CARMIL1: variants seen among roughly 807,000 people sequenced by gnomAD.
The protein encoded by CARMIL1 is capping protein regulator and myosin 1 linker 1.
Under a neutral mutation model 177.1 loss-of-function variants are expected in CARMIL1, and 90 were observed. The ratio of observed to expected loss-of-function variants is 0.51; its 90% CI spans 0.43 to 0.61. CARMIL1 has a LOEUF of 0.61. Among genes scored for constraint, CARMIL1 ranks in the 20% least tolerant of loss-of-function variants. The pLI is 0.00. For synonymous variants in CARMIL1, 577 were observed against 606.2 expected (o/e 0.95, Z 0.71); for missense variants, 1,380 against 1,667.0 (o/e 0.83, Z 3.00).
intron 8 of CARMIL1, among the ~76,000 whole-genome samples, chr6:25,463,805 A>G (rs2150915231): frequency 6.6e-6 from 1 of 150,688 alleles, no homozygotes; most frequent in Non-Finnish European, 1.5e-5. Context: ...ATAACTATTG[A>G]AAGAGTTGTT....
At chr6:25,360,598 A>T (rs1789090799) in intron 2 of CARMIL1, among the ~76,000 whole-genome samples, 1 of 152,158 alleles carries the variant, frequency 6.6e-6, no homozygotes, top group South Asian at 2.1e-4. Flanking sequence ...TTTCTGTCCA[A>T]TGAGAGGAGA....
At chr6:25,366,611 A>G (rs1401340739) in intron 2 of CARMIL1, among the ~76,000 whole-genome samples, 1 of 150,796 alleles carries the variant, frequency 6.6e-6, no homozygotes, top group Admixed American at 6.7e-5. Flanking sequence ...CTGTATATCC[A>G]ACCTTTTAGA....
chr6:25,563,764 G>T, intron 29 of CARMIL1: 1 of 985,422 alleles, frequency 1.0e-6, no homozygotes, highest in Non-Finnish European at 1.2e-6. Flanking sequence ...GGAAGAAGTG[G>T]CAAGGTAGTT....
At chr6:25,300,909 C>A (rs1190154647) in intron 2 of CARMIL1, among the ~76,000 whole-genome samples, 2 of 152,210 alleles carry the variant, frequency 1.3e-5, no homozygotes, top group Non-Finnish European at 2.9e-5. Flanking sequence ...ATAAGTATAA[C>A]CTGCTATATA....
chr6:25,435,583 T>C lies in CARMIL1; in HGVS notation c.350T>C (p.Ile117Thr). ...CACATAGGCACCTGCCTGAGGAAGA[T>C]ATTTCCTGGCCTCTCTCCAGTGTGA... is the stretch of plus-strand genomic sequence containing the variant. ...LAHIGTCLRK[I>T]FPGLSPVRIM... Residue 117 changes from isoleucine (I) to threonine (T), a missense_variant, in exon 5 of 37, where the codon ATA (isoleucine) becomes ACA (threonine). By Grantham distance (89) the Ile-to-Thr change is moderately conservative. Coordinates refer to ENST00000329474, the MANE Select transcript of CARMIL1 (RefSeq NM_017640.6). 6.4e-7 allele frequency: 1 copy of C among 1,573,952 alleles called. No individual in the cohort carries two copies. Among genetic ancestry groups the C allele is most frequent in the East Asian group, 2.3e-5 (1 of 42,958 alleles).
In CARMIL1 at chr6:25,527,315, A is replaced by G. The variant is rs574497856; in HGVS notation, c.1969-1480A>G. ...TTAAAGTCACTTGAAAATTGTTACT[A>G]TTTCTTCCTTTTGAACTGGAAGCAC... On this transcript the variant is annotated intron_variant, in intron 23 of 36. Coordinates refer to ENST00000329474, the MANE Select transcript of CARMIL1 (RefSeq NM_017640.6). 2.6e-5 allele frequency among the ~76,000 whole-genome samples: 4 copies of G among 152,166 alleles called. No homozygotes were observed. The South Asian group carries it at 6.2e-4, about 24-fold the overall frequency.
intron 32 of CARMIL1, among the ~76,000 whole-genome samples, chr6:25,595,609 C>G (rs749819346): frequency 2.0e-5 from 3 of 152,132 alleles, no homozygotes; most frequent in South Asian, 2.1e-4. Flanking sequence ...CTCCCACCCC[C>G]CCGAATTAAT....
At chr6:25,332,739 G>GCACACACACACACA (rs1785756506) in intron 2 of CARMIL1, among the ~76,000 whole-genome samples, 1 of 56,940 alleles carries the variant, frequency 1.8e-5, no homozygotes, top group Non-Finnish European at 4.3e-5. Context: ...ATGCAAACAT[G>GCACACACACACACA]CATACACACA....
chr6:25,476,305 A>G (rs1174185571), intron 11 of CARMIL1, among the ~76,000 whole-genome samples: 1 of 152,140 alleles, frequency 6.6e-6, no homozygotes, highest in Non-Finnish European at 1.5e-5. Flanking sequence ...AATCATTCCA[A>G]GGATAGCCTT....
chr6:25,324,403 G>C (rs1214035558), intron 2 of CARMIL1, among the ~76,000 whole-genome samples: 1 of 151,258 alleles, frequency 6.6e-6, no homozygotes, highest in East Asian at 1.9e-4. Flanking sequence ...AGGGATTATA[G>C]GAGCAAAGCT....
chr6:25,420,231 C>T, intron 3 of CARMIL1, 67 bp downstream of exon 3: 1 of 1,414,272 alleles, frequency 7.1e-7, no homozygotes, highest in Non-Finnish European at 1.0e-6. Flanking sequence ...CATAGTCACT[C>T]ATGCATTCTT....
chr6:25,509,042 T>A lies in CARMIL1; in HGVS notation c.1396-614T>A, dbSNP rs1805211683. On this transcript the variant is annotated intron_variant, in intron 17 of 36. Coordinates refer to ENST00000329474, the MANE Select transcript of CARMIL1 (RefSeq NM_017640.6). This position sits in a 1 kb window ranked among gnomAD's most constrained non-coding sequence, Gnocchi z 4.1. ...ACTTAGTTTTGCTCTAAAACAATCATGATAATAATATTTTATATTAATTTA... is the reference window on the plus strand; with the variant it reads ...ACTTAGTTTTGCTCTAAAACAATCAAGATAATAATATTTTATATTAATTTA... Among the ~76,000 whole-genome samples, 1 of 152,212 alleles carries A rather than the reference T, an allele frequency of 6.6e-6. No individual in the cohort carries two copies. Among genetic ancestry groups the A allele is most frequent in the Non-Finnish European group, 1.5e-5 (1 of 68,038 alleles).
chr6:25,410,754 A>G (rs893197985), intron 2 of CARMIL1, among the ~76,000 whole-genome samples: 3 of 152,164 alleles, frequency 2.0e-5, no homozygotes, highest in Non-Finnish European at 4.4e-5. Context: ...TTCTGTCTCT[A>G]CTGAGTTCTG....
At chr6:25,506,975 C>T (rs1804974644) in intron 17 of CARMIL1, among the ~76,000 whole-genome samples, 1 of 152,140 alleles carries the variant, frequency 6.6e-6, no homozygotes, top group Non-Finnish European at 1.5e-5. Context: ...AAACGTTCCA[C>T]CTTCCTTGAA....
intron 8 of CARMIL1, among the ~76,000 whole-genome samples, chr6:25,451,849 A>C (rs1258318931): frequency 6.6e-6 from 1 of 151,958 alleles, no homozygotes; most frequent in African/African-American, 2.4e-5. Flanking sequence ...ATAAACTCCA[A>C]CCCAATAAAT....
At chr6:25,344,284 G>A (rs1176822161) in intron 2 of CARMIL1, among the ~76,000 whole-genome samples, 2 of 151,940 alleles carry the variant, frequency 1.3e-5, no homozygotes, top group Non-Finnish European at 1.5e-5. Flanking sequence ...AATCCATCAC[G>A]TCTTCACGGA....
intron 24 of CARMIL1, among the ~76,000 whole-genome samples, chr6:25,531,693 A>G (rs1375802896): frequency 1.3e-5 from 2 of 152,204 alleles, no homozygotes; most frequent in South Asian, 2.1e-4. Flanking sequence ...CTAGTATTTT[A>G]TGGTTTACTA....
chr6:25,563,510 G>A, intron 29 of CARMIL1: 1 of 985,442 alleles, frequency 1.0e-6, no homozygotes, highest in South Asian at 4.7e-5. Flanking sequence ...AGAAACATCT[G>A]GAAGAAGGTG....
In CARMIL1 at chr6:25,482,267, T is replaced by C. The variant is rs752126083; in HGVS notation, c.885T>C (p.Ser295=). 25 of 1,570,738 alleles carry C rather than the reference T, an allele frequency of 1.6e-5. 1 individual carries two copies. The highest frequency in any genetic ancestry group is 1.2e-5 in the Non-Finnish European group (14 of 1,150,692). The change falls in exon 12 of 37, where the codon TCT becomes TCC. Residue 295 remains serine (S), a synonymous_variant. Transcript: ENST00000329474. ...GNPLEDRGVS[S]LSIQFAKLPK... is the part of the protein sequence containing the mutation. ...TTTTTCCTTTCTCAGGTGTGTCCTCTTTAAGTATTCAATTTGCCAAACTCC... is the reference window on the plus strand; with the variant it reads ...TTTTTCCTTTCTCAGGTGTGTCCTCCTTAAGTATTCAATTTGCCAAACTCC...
Sources: allele counts gnomAD v4.1 joint callset (sites outside exome capture counted in the v4.1 genomes callset), GRCh38; gene constraint gnomAD v4.1.1; non-coding constraint Gnocchi (gnomAD v3.1); transcripts MANE v1.5; gene names NCBI Gene and HGNC (gene_info 2026-07-23, HGNC 2026-07-21).